The following ADAD1 variants were observed in gnomAD, a reference collection of about 807,000 sequenced individuals.
ADAD1 encodes adenosine deaminase domain-containing protein 1.
In ADAD1, 46 loss-of-function variants were observed where a neutral mutation model predicts 66.8. The observed-to-expected ratio is 0.69, with a 90% CI of 0.54 to 0.88. The LOEUF (loss-of-function observed/expected upper bound fraction) is 0.88. ADAD1 is among the 40% of genes least tolerant of loss of function. The pLI, the probability that ADAD1 is intolerant of heterozygous loss-of-function variation, is 0.00. For synonymous variants in ADAD1, 248 were observed against 229.4 expected (o/e 1.08, Z -0.73); for missense variants, 617 against 681.8 (o/e 0.91, Z 1.06).
Position 122,380,058 on chromosome 4 carries a change from C to G in ADAD1, c.-8-4C>G. On this transcript the variant is annotated splice_polypyrimidine_tract_variant and splice_region_variant and intron_variant, in intron 2 of 12. Transcript: ENST00000296513. The stretch of plus-strand genomic sequence containing the variant: ...TTTTCTGCCAATTTTATCGTGACCT[C>G]TAGGTGAGAAAATGGCTAGCAACAA... 1.2e-6 allele frequency: 2 copies of G among 1,608,884 alleles called. No homozygotes were observed. The highest frequency in any genetic ancestry group is 1.3e-5 in the African/African-American group (1 of 74,794).
At chr4:122,428,915 AAT>A (rs556946420) in intron 12 of ADAD1, among the ~76,000 whole-genome samples, 2 of 152,202 alleles carry the variant, frequency 1.3e-5, no homozygotes, top group Non-Finnish European at 2.9e-5. Context: ...ATTGTATCTC[AAT>A]AAAACCAGCT....
intron 12 of ADAD1, among the ~76,000 whole-genome samples, chr4:122,422,201 T>C (rs1252446483): frequency 6.8e-6 from 1 of 148,038 alleles, no homozygotes; most frequent in Non-Finnish European, 1.5e-5. Flanking sequence ...CTCAGCTCAC[T>C]GCAACTTCTG....
Position 122,396,348 on chromosome 4 carries a change from G to C in ADAD1, c.695G>C (p.Ser232Thr), listed in dbSNP as rs1795714950. Reference protein sequence around the residue: ...SNRSEYLKYSSSLAAFIIERA... With the variant: ...SNRSEYLKYSTSLAAFIIERA... ...CGTTCAGAATACCTGAAATATAGCA[G>C]TTCATTGGCTGCTTTTATAATTGAA... is the stretch of plus-strand genomic sequence containing the variant. The change falls in exon 7 of 13, where the codon AGT becomes ACT. Residue 232 changes from serine (S) to threonine (T), a missense_variant. By Grantham distance (58) the Ser-to-Thr change is moderately conservative (BLOSUM62 1). Transcript: ENST00000296513. 6.3e-7 allele frequency: 1 copy of C among 1,589,932 alleles called. No individual in the cohort carries two copies. The highest frequency in any genetic ancestry group is 1.2e-5 in the South Asian group (1 of 85,486).
chr4:122,402,224 GA>G (rs1406518178), intron 7 of ADAD1, among the ~76,000 whole-genome samples: 3 of 152,104 alleles, frequency 2.0e-5, no homozygotes, highest in South Asian at 2.1e-4. Context: ...TTGTTTGTCT[GA>G]AAAAGACTTT....
intron 5 of ADAD1, among the ~76,000 whole-genome samples, chr4:122,391,511 T>C (rs1403561254): frequency 6.6e-6 from 1 of 152,168 alleles, no homozygotes; most frequent in African/African-American, 2.4e-5. Context: ...CCCTCCCACT[T>C]AGGGGCTCAG....
At chr4:122,389,228 G>C (rs989267904) in intron 5 of ADAD1, among the ~76,000 whole-genome samples, 1 of 152,172 alleles carries the variant, frequency 6.6e-6, no homozygotes, top group Non-Finnish European at 1.5e-5. Flanking sequence ...TAGTCTGAGA[G>C]ACTGTTAGGA....
intron 5 of ADAD1, among the ~76,000 whole-genome samples, chr4:122,392,772 A>G (rs1270606050): frequency 6.6e-6 from 1 of 152,228 alleles, no homozygotes; most frequent in Non-Finnish European, 1.5e-5. Flanking sequence ...GTAGTGCTCT[A>G]AATAAATAAA....
intron 11 of ADAD1, among the ~76,000 whole-genome samples, chr4:122,418,233 A>G (rs955493277): frequency 1.3e-5 from 2 of 152,026 alleles, no homozygotes; most frequent in Non-Finnish European, 2.9e-5. Flanking sequence ...CCTGAATGAA[A>G]TGGATAAATT....
intron 10 of ADAD1, among the ~76,000 whole-genome samples, chr4:122,414,182 T>G (rs977767598): frequency 6.8e-6 from 1 of 147,666 alleles, no homozygotes; most frequent in Non-Finnish European, 1.5e-5. Context: ...CATTAAAGCA[T>G]CTACGTAAAC....
At chr4:122,416,966 G>T (rs1487352021) in intron 11 of ADAD1, among the ~76,000 whole-genome samples, 1 of 152,072 alleles carries the variant, frequency 6.6e-6, no homozygotes, top group Non-Finnish European at 1.5e-5. Flanking sequence ...TAAAATAATG[G>T]CATAACAAGA....
intron 5 of ADAD1, among the ~76,000 whole-genome samples, chr4:122,387,645 A>G (rs1795235226): frequency 6.6e-6 from 1 of 152,076 alleles, no homozygotes; most frequent in Non-Finnish European, 1.5e-5. Flanking sequence ...GAATGCTTCC[A>G]GCTTTTGCCC....
intron 12 of ADAD1, among the ~76,000 whole-genome samples, chr4:122,425,310 T>C (rs966582175): frequency 6.6e-6 from 1 of 152,040 alleles, no homozygotes; most frequent in Non-Finnish European, 1.5e-5. Flanking sequence ...TCAGTAATCT[T>C]AAAAGGATTA....
At chr4:122,380,886 G>A (rs576540528) in intron 3 of ADAD1, 106 bp from the exon 4 acceptor site, 12 of 1,003,150 alleles carry the variant, frequency 1.2e-5, no homozygotes, top group Non-Finnish European at 1.7e-5. Context: ...AACATATGAT[G>A]AAGTGTATCT....
intron 5 of ADAD1, 36 bp downstream of exon 5, chr4:122,384,002 T>C: frequency 6.6e-7 from 1 of 1,507,372 alleles, no homozygotes; most frequent in Non-Finnish European, 8.9e-7. Flanking sequence ...TTATAAGAGG[T>C]ATCATTTTTC....
rs1796293220 is a variant in ADAD1, at chr4:122,407,982, G to C, written c.799G>C (p.Val267Leu). ...YSQDIKPDGRVLHDTHAVVTA... is the reference protein window; with the variant it reads ...YSQDIKPDGRLLHDTHAVVTA... ...CCAGGACATTAAGCCAGATGGAAGA[G>C]TATTGCATGACACTCATGCTGTTGT... Residue 267 changes from valine (V) to leucine (L), a missense_variant, in exon 8 of 13, where the codon GTA becomes CTA. Coordinates refer to ENST00000296513, the MANE Select transcript of ADAD1 (RefSeq NM_139243.4). The C allele has an allele frequency of 3.1e-6, 5 of 1,613,722 alleles. No homozygotes were observed. Among genetic ancestry groups the C allele is most frequent in the Non-Finnish European group, 4.2e-6 (5 of 1,179,766 alleles).
chr4:122,408,795 A>G (rs1176222405), intron 8 of ADAD1, among the ~76,000 whole-genome samples: 1 of 151,918 alleles, frequency 6.6e-6, no homozygotes, highest in African/African-American at 2.4e-5. Flanking sequence ...AGGTGGGAGG[A>G]TTGATTGAGC....
chr4:122,390,010 C>T (rs1458129275), intron 5 of ADAD1, among the ~76,000 whole-genome samples: 3 of 152,206 alleles, frequency 2.0e-5, no homozygotes, highest in East Asian at 1.9e-4. Context: ...TTTTCATTTC[C>T]GTATTTAGTG....
rs1428104165 is a variant in ADAD1 at position 122,422,581 on chromosome 4, C to T, written c.1617+1191C>T. Among the ~76,000 whole-genome samples the T allele has an allele frequency of 2.0e-5, 3 of 152,142 alleles. No homozygotes were observed. In the East Asian group the frequency reaches 5.8e-4, roughly 29 times the overall value. The stretch of plus-strand genomic sequence containing the variant: ...ACCTGTATAATTACAGCCTGTAAAG[C>T]CGTTACATTAATTACAGGTGTATGT... On this transcript the variant is annotated intron_variant, in intron 12 of 12. Transcript: ENST00000296513.
chr4:122,400,441 T>A (rs1014187677), intron 7 of ADAD1, among the ~76,000 whole-genome samples: 8 of 152,160 alleles, frequency 5.3e-5, no homozygotes, highest in African/African-American at 1.4e-4. Flanking sequence ...TCTATGTTAC[T>A]CAGGGATATT....
Sources: allele counts gnomAD v4.1 joint callset (sites outside exome capture counted in the v4.1 genomes callset), GRCh38; gene constraint gnomAD v4.1.1; transcripts MANE v1.5; gene names NCBI Gene and HGNC (gene_info 2026-07-23, HGNC 2026-07-21).